ALDH1A1: variants seen among roughly 807,000 people sequenced by gnomAD.
ALDH1A1 encodes aldehyde dehydrogenase 1A1.
Under a neutral mutation model 62.1 loss-of-function variants are expected in ALDH1A1, and 19 were observed. The observed-to-expected ratio is 0.31, with a 90% CI of 0.21 to 0.45. The LOEUF is 0.45. Among genes scored for constraint, ALDH1A1 ranks in the 20% least tolerant of loss-of-function variants. ALDH1A1 has a pLI of 1.00. For synonymous variants in ALDH1A1, 231 were observed against 215.9 expected (o/e 1.07, Z -0.61); for missense variants, 521 against 607.1 (o/e 0.86, Z 1.49).
Position 72,911,986 on chromosome 9 carries a change from G to T in ALDH1A1, c.1172C>A (p.Thr391Lys), listed in dbSNP as rs1829996736. 1 of 1,613,978 alleles carries T rather than the reference G, an allele frequency of 6.2e-7. No homozygotes were observed. Among genetic ancestry groups the T allele is most frequent in the Non-Finnish European group, 8.5e-7 (1 of 1,179,898 alleles). Residue 391 changes from threonine (T) to lysine (K), a missense_variant, in exon 10 of 13, where the codon ACA (threonine) becomes AAA (lysine). Physicochemically the swap from Thr to Lys is moderately conservative, Grantham distance 78 (BLOSUM62 -1). Coordinates refer to ENST00000297785, the MANE Select transcript of ALDH1A1 (RefSeq NM_000689.5). ...CTCTTTGGCAATGCGCATCTCATCT[G>T]TAACATTAGAGAACACTGTGGGCTG... Reference protein sequence around the residue: ...FVQPTVFSNVTDEMRIAKEEI... With the variant: ...FVQPTVFSNVKDEMRIAKEEI...
Position 72,939,448 on chromosome 9 carries a change from T to G in ALDH1A1, c.171+700A>C, listed in dbSNP as rs1830387672. Among the ~76,000 whole-genome samples the G allele has an allele frequency of 1.3e-5, 2 of 152,166 alleles. 1 individual carries two copies. The highest frequency in any genetic ancestry group is 4.1e-4 in the South Asian group (2 of 4,832). ...AGTGATTTTTAATAAAATAACTTAG[T>G]AATATATTGTTCTAAAAGTTCTATA... On this transcript the variant is annotated intron_variant, in intron 2 of 12. Transcript: ENST00000297785.
intron 3 of ALDH1A1, among the ~76,000 whole-genome samples, chr9:72,929,717 T>G (rs1830256068): frequency 6.6e-6 from 1 of 152,140 alleles, no homozygotes; most frequent in Non-Finnish European, 1.5e-5. Flanking sequence ...TCTGCTGGGG[T>G]GGTTACCTGG....
intron 2 of ALDH1A1, among the ~76,000 whole-genome samples, chr9:72,934,801 A>G (rs1205672848): frequency 2.0e-5 from 3 of 152,166 alleles, no homozygotes; most frequent in Non-Finnish European, 1.5e-5. Flanking sequence ...CTTGGTTTAT[A>G]AATGAATAGA....
chr9:72,916,601 C>T (rs954884353), intron 9 of ALDH1A1, among the ~76,000 whole-genome samples: 1 of 152,034 alleles, frequency 6.6e-6, no homozygotes, highest in Non-Finnish European at 1.5e-5. Context: ...TCAAAGTGGA[C>T]AGAGAACTGT....
In ALDH1A1 at chr9:72,925,568, T is replaced by G. The variant is rs146885014; in HGVS notation, c.549A>C (p.Ala183=). Residue 183 remains alanine (A), a synonymous_variant, in exon 6 of 13, where the codon GCA becomes GCC. Coordinates refer to ENST00000297785, the MANE Select transcript of ALDH1A1 (RefSeq NM_000689.5). ...LVMLIWKIGP[A]LSCGNTVVVK... The stretch of plus-strand genomic sequence containing the variant: ...CAACCACTGTGTTTCCACAGCTCAG[T>G]GCAGGCCCTATCTTCCAAATGAGCA... The G allele has an allele frequency of 1.9e-4, 302 of 1,613,784 alleles. 1 individual carries two copies. Among genetic ancestry groups the G allele is most frequent in the Admixed American group, 2.3e-4 (14 of 59,988 alleles).
intron 1 of ALDH1A1, among the ~76,000 whole-genome samples, chr9:72,947,115 G>T (rs1364590942): frequency 1.3e-5 from 2 of 151,930 alleles, no homozygotes; most frequent in Non-Finnish European, 2.9e-5. Context: ...TCAGGCAGGT[G>T]CCAGAAAACA....
At position 72,918,809 on chromosome 9, in the gene ALDH1A1, A is replaced by G; in HGVS notation, c.761T>C (p.Ile254Thr). ...FTGSTEVGKLIKEAAGKSNLK... is the reference protein window; with the variant it reads ...FTGSTEVGKLTKEAAGKSNLK... ...ATTGCTTTTCCCGGCAGCTTCTTTG[A>G]TCAACTTGCCAACCTGAAAGGGAGC... Residue 254 changes from isoleucine (I) to threonine (T), a missense_variant, in exon 8 of 13, where the codon ATC becomes ACC. Physicochemically the swap from Ile to Thr is moderately conservative, Grantham distance 89. Transcript: ENST00000297785. 6.2e-7 allele frequency: 1 copy of G among 1,613,836 alleles called. No homozygotes were observed. Among genetic ancestry groups the G allele is most frequent in the South Asian group, 1.1e-5 (1 of 91,052 alleles).
intron 2 of ALDH1A1, among the ~76,000 whole-genome samples, chr9:72,932,988 C>T (rs1316865763): frequency 6.6e-6 from 1 of 152,142 alleles, no homozygotes; most frequent in Non-Finnish European, 1.5e-5. Context: ...AGTAACTCTC[C>T]CATATGGAAA....
chr9:72,929,657 C>T (rs1032573958), intron 3 of ALDH1A1, among the ~76,000 whole-genome samples: 1 of 152,154 alleles, frequency 6.6e-6, no homozygotes, highest in African/African-American at 2.4e-5. Context: ...CCTATCTCCC[C>T]TTTGGCTTCT....
chr9:72,905,946 C>T lies in ALDH1A1; in HGVS notation c.1433+12G>A, dbSNP rs771973267. 3.7e-5 allele frequency: 59 copies of T among 1,584,126 alleles called. No individual in the cohort carries two copies. The highest frequency in any genetic ancestry group is 6.8e-5 in the African/African-American group (5 of 73,860). ...AAAATAAATATTTATCTTAATAGAA[C>T]GTTAATCTTACAGTTCTCTTCCATT... On this transcript the variant is annotated intron_variant, in intron 12 of 12. Coordinates refer to ENST00000297785, the MANE Select transcript of ALDH1A1 (RefSeq NM_000689.5).
At chr9:72,913,388 T>G (rs766562993) in intron 9 of ALDH1A1, among the ~76,000 whole-genome samples, 46 of 152,262 alleles carry the variant, frequency 3.0e-4, no homozygotes, top group Admixed American at 7.8e-4. Context: ...GAAGAAATAT[T>G]TAAATTACTA....
At position 72,918,747 on chromosome 9, in the gene ALDH1A1, G is replaced by T; in HGVS notation, c.823C>A (p.Pro275Thr). 1 of 1,612,828 alleles carries T rather than the reference G, an allele frequency of 6.2e-7. No individual in the cohort carries two copies. The highest frequency in any genetic ancestry group is 1.1e-5 in the South Asian group (1 of 91,016). ...RVTLELGGKS[P>T]CIVLADADLD... ...TCGGCATCAGCTAACACAATGCAAG[G>T]GCTCTTTCCTCCAAGCTCCAGGGTC... The change falls in exon 8 of 13, where the codon CCT becomes ACT. Residue 275 changes from proline (P) to threonine (T), a missense_variant. Transcript: ENST00000297785.
At chr9:72,950,777 T>C (rs986899614) in intron 1 of ALDH1A1, among the ~76,000 whole-genome samples, 1 of 151,840 alleles carries the variant, frequency 6.6e-6, no homozygotes, top group Admixed American at 6.6e-5. Flanking sequence ...TAGGGGCTGG[T>C]AATAGAAGAT....
At position 72,939,020 on chromosome 9, in the gene ALDH1A1, G is replaced by A. The variant is rs186114566; in HGVS notation, c.171+1128C>T. Among the ~76,000 whole-genome samples the A allele has an allele frequency of 2.8e-3, 424 of 152,244 alleles. 2 individuals carry two copies. Among genetic ancestry groups the A allele is most frequent in the African/African-American group, 9.7e-3 (401 of 41,534 alleles). On this transcript the variant is annotated intron_variant, in intron 2 of 12. Coordinates refer to ENST00000297785, the MANE Select transcript of ALDH1A1 (RefSeq NM_000689.5). The stretch of plus-strand genomic sequence containing the variant: ...GGCCTCCCAAAGTGCTGGGATTACA[G>A]GTGAGAGCCACTGCGCCCGGCCAAC...
chr9:72,931,513 T>C (rs1830282472), intron 2 of ALDH1A1, among the ~76,000 whole-genome samples: 1 of 152,208 alleles, frequency 6.6e-6, no homozygotes, highest in South Asian at 2.1e-4. Context: ...CCACACATTA[T>C]ACTTTCTTAG....
intron 2 of ALDH1A1, among the ~76,000 whole-genome samples, chr9:72,934,941 ACTG>A (rs8187909): frequency 0.46 from 69,403 of 151,644 alleles, 17,813 homozygotes; most frequent in Non-Finnish European, 0.57. Flanking sequence ...ACAAATATAT[ACTG>A]CTATTTGTTT....
chr9:72,917,229 A>T, intron 8 of ALDH1A1, 125 bp from the exon 9 acceptor site: 6 of 657,676 alleles, frequency 9.1e-6, no homozygotes, highest in Non-Finnish European at 1.3e-5. Flanking sequence ...GGCTCAGTAT[A>T]GTTTACCTCC....
At chr9:72,946,150 C>T (rs1018857211) in intron 1 of ALDH1A1, among the ~76,000 whole-genome samples, 19 of 151,898 alleles carry the variant, frequency 1.3e-4, no homozygotes, top group Non-Finnish European at 2.5e-4. Context: ...GATGTAGAAG[C>T]GATAGAAAGT....
intron 7 of ALDH1A1, among the ~76,000 whole-genome samples, chr9:72,921,484 G>A (rs1038382264): frequency 2.7e-4 from 38 of 142,642 alleles, no homozygotes; most frequent in African/African-American, 8.6e-4. Context: ...TCCTAAAATC[G>A]TGTTATTCAC....
Sources: allele counts gnomAD v4.1 joint callset (sites outside exome capture counted in the v4.1 genomes callset), GRCh38; gene constraint gnomAD v4.1.1; transcripts MANE v1.5; gene names NCBI Gene and HGNC (gene_info 2026-07-23, HGNC 2026-07-21).